The following PKHD1 variants were observed in gnomAD, a reference collection of about 807,000 sequenced individuals.
The protein encoded by PKHD1 is fibrocystin.
Under a neutral mutation model 412.0 loss-of-function variants are expected in PKHD1, and 291 were observed. The ratio of observed to expected loss-of-function variants is 0.71; its 90% confidence interval spans 0.64 to 0.78. PKHD1 has a LOEUF of 0.78. Ranked by LOEUF, PKHD1 falls within the 30% of genes least tolerant of loss-of-function variation. The pLI, the probability that PKHD1 is intolerant of heterozygous loss-of-function variation, is 0.00. For synonymous variants in PKHD1, 1,777 were observed against 1,821.5 expected (o/e 0.98, Z 0.62); for missense variants, 4,825 against 4,950.7 (o/e 0.97, Z 0.76).
At chr6:51,808,032 T>C (rs1461037811) in intron 52 of PKHD1, among the ~76,000 whole-genome samples, 1 of 152,078 alleles carries the variant, frequency 6.6e-6, no homozygotes, top group Non-Finnish European at 1.5e-5. Flanking sequence ...AATTGTACAA[T>C]TTAAAAGGAT....
intron 60 of PKHD1, among the ~76,000 whole-genome samples, chr6:51,667,876 G>C (rs1349871109): frequency 1.3e-5 from 2 of 151,724 alleles, no homozygotes; most frequent in Non-Finnish European, 1.5e-5. Flanking sequence ...CGTTATTTCT[G>C]AGGGCTCTGT....
intron 61 of PKHD1, among the ~76,000 whole-genome samples, chr6:51,654,189 T>C (rs992321364): frequency 2.0e-5 from 3 of 152,166 alleles, no homozygotes; most frequent in Admixed American, 6.6e-5. Flanking sequence ...AGTCGAAACC[T>C]TGACCACCTA....
At chr6:51,741,126 C>G (rs775348352) in intron 60 of PKHD1, 1 of 518,894 alleles carries the variant, frequency 1.9e-6, no homozygotes, top group South Asian at 1.4e-5. Context: ...AATATTCTAC[C>G]ATTGCAACCA....
chr6:51,881,497 A>G (rs533910274), intron 46 of PKHD1, among the ~76,000 whole-genome samples: 98 of 152,330 alleles, frequency 6.4e-4, no homozygotes, highest in Admixed American at 9.8e-4. Flanking sequence ...AAATATAATT[A>G]TAACCAAATA....
Position 51,909,290 on chromosome 6 carries a change from A to T in PKHD1, c.6675T>A (p.Ala2225=). Residue 2225 remains alanine, a synonymous_variant, in exon 40 of 67, where the codon GCT becomes GCA. Coordinates refer to ENST00000371117, the MANE Select transcript of PKHD1 (RefSeq NM_138694.4). ...AGGTCCGGACCCCCTTACCTCTCAT[A>T]GCTCCCACCAGAGTGAGTGAGCTCA... The part of the protein sequence containing the change: ...KHLSSLTLVG[A]MRESFIQGCT... The T allele has an allele frequency of 6.2e-7, 1 of 1,613,094 alleles. No homozygotes were observed. Among genetic ancestry groups the T allele is most frequent in the Non-Finnish European group, 8.5e-7 (1 of 1,179,294 alleles).
chr6:51,851,857 C>A (rs1772315708), intron 49 of PKHD1, among the ~76,000 whole-genome samples: 1 of 152,044 alleles, frequency 6.6e-6, no homozygotes, highest in Non-Finnish European at 1.5e-5. Flanking sequence ...AAAACCAGCT[C>A]CTGGATTCGT....
At chr6:52,054,468 C>T (rs1044842959) in intron 19 of PKHD1, among the ~76,000 whole-genome samples, 6 of 152,136 alleles carry the variant, frequency 3.9e-5, no homozygotes, top group Admixed American at 1.3e-4. Flanking sequence ...TTTAGAGTAT[C>T]TCACTTAAGA....
chr6:51,641,820 C>CA (rs1365363998), intron 63 of PKHD1, among the ~76,000 whole-genome samples: 1 of 152,058 alleles, frequency 6.6e-6, no homozygotes, highest in East Asian at 1.9e-4. Context: ...CATGTTCTCA[C>CA]ATAGGAGAAG....
intron 60 of PKHD1, chr6:51,682,371 A>C: frequency 2.9e-6 from 1 of 347,990 alleles, no homozygotes; most frequent in Non-Finnish European, 5.7e-6. Context: ...TCTTTGTAAA[A>C]CTAGTTCTAT....
At chr6:51,670,248 A>T (rs1774683662) in intron 60 of PKHD1, among the ~76,000 whole-genome samples, 1 of 151,982 alleles carries the variant, frequency 6.6e-6, no homozygotes, top group African/African-American at 2.4e-5. Context: ...GGGTGCATAT[A>T]TATTTAGGAT....
At chr6:52,028,890 G>A (rs1444964451) in intron 29 of PKHD1, among the ~76,000 whole-genome samples, 3 of 152,218 alleles carry the variant, frequency 2.0e-5, no homozygotes, top group African/African-American at 7.2e-5. Context: ...TTGTATTCAA[G>A]AGACACTAAC....
rs200432861 is a variant in PKHD1, at chr6:51,775,844, G to A, written c.8518C>T (p.Arg2840Cys). The A allele has an allele frequency of 2.3e-5, 36 of 1,590,584 alleles. No homozygotes were observed. Among genetic ancestry groups the A allele is most frequent in the Non-Finnish European group, 2.8e-5 (32 of 1,159,996 alleles). Residue 2840 changes from arginine (R) to cysteine (C), a missense_variant, in exon 54 of 67, where the codon CGT becomes TGT. Physicochemically the swap from Arg to Cys is radical, Grantham distance 180. Coordinates refer to ENST00000371117, the MANE Select transcript of PKHD1 (RefSeq NM_138694.4). ...GGGTCAATATGAATTCCATTCATAC[G>A]GTCACAAAAGACTCCCTCTGAGGCT... ...LRASEGVFCD[R>C]MNGIHIDPGT...
At position 51,941,296 on chromosome 6, in the gene PKHD1, C is replaced by T. The variant is rs1275924610; in HGVS notation, c.5909-6974G>A. The stretch of plus-strand genomic sequence containing the variant: ...CGGAGTCTCGCTCTGTCGCCCAGGC[C>T]GGACTGCGGACTGCAGTGGCGCAAT... On this transcript the variant is annotated intron_variant, in intron 36 of 66. Coordinates refer to ENST00000371117, the MANE Select transcript of PKHD1 (RefSeq NM_138694.4). Among the ~76,000 whole-genome samples, 205 of 122,740 alleles carry T rather than the reference C, an allele frequency of 1.7e-3. 5 individuals are homozygous for T. The highest frequency in any genetic ancestry group is 3.5e-3 in the Admixed American group (33 of 9,460). 80.5% of individuals were successfully genotyped at this position (122,740 alleles called of 152,430 possible).
intron 55 of PKHD1, among the ~76,000 whole-genome samples, chr6:51,766,513 C>A (rs1405281516): frequency 6.6e-6 from 1 of 151,830 alleles, no homozygotes; most frequent in Non-Finnish European, 1.5e-5. Flanking sequence ...ATATTCAATT[C>A]TAGTAAAGAT....
At chr6:51,927,234 C>T (rs1451955518) in intron 37 of PKHD1, among the ~76,000 whole-genome samples, 1 of 152,120 alleles carries the variant, frequency 6.6e-6, no homozygotes, top group Admixed American at 6.6e-5. Context: ...CCCCACATCC[C>T]TCTAGGGCAC....
chr6:51,644,226 T>C (rs1321533364), intron 63 of PKHD1, among the ~76,000 whole-genome samples: 2 of 151,994 alleles, frequency 1.3e-5, no homozygotes, highest in Non-Finnish European at 2.9e-5. Flanking sequence ...AGATCTGAGA[T>C]TAATTCATTG....
intron 60 of PKHD1, among the ~76,000 whole-genome samples, chr6:51,680,962 C>T (rs17740574): frequency 6.6e-6 from 1 of 151,922 alleles, no homozygotes; most frequent in South Asian, 2.1e-4. Flanking sequence ...AGTTAAAAAT[C>T]GGTTGGTTGT....
At chr6:51,721,668 G>C in intron 60 of PKHD1, 1 of 1,220,514 alleles carries the variant, frequency 8.2e-7, no homozygotes, top group Non-Finnish European at 1.0e-6. Flanking sequence ...CCCCATATCT[G>C]CTACTGGAAC....
At chr6:51,623,776 G>A (rs1283626787) in intron 66 of PKHD1, among the ~76,000 whole-genome samples, 5 of 151,918 alleles carry the variant, frequency 3.3e-5, no homozygotes, top group South Asian at 2.1e-4. Flanking sequence ...TAGTAGAGAC[G>A]GGGTTTCACC....
Sources: gnomAD v4.1 joint callset for allele counts (sites outside exome capture counted in the v4.1 genomes callset) on GRCh38, gnomAD v4.1.1 for gene constraint, MANE v1.5 for transcripts, NCBI Gene and HGNC (gene_info 2026-07-23, HGNC 2026-07-21) for gene names.